IGFL4: variants seen among roughly 807,000 people sequenced by gnomAD.
IGFL4 encodes IGF like family member 4, also known as insulin growth factor-like family member 4.
IGFL4 carries 12 observed loss-of-function variants against 15.4 expected under a neutral mutation model. The observed-to-expected ratio is 0.78, with a 90% CI of 0.50 to 1.26. The LOEUF is 1.26. Ranked by LOEUF, IGFL4 falls within the 50% of genes most tolerant of loss-of-function variation. The pLI, the probability that IGFL4 is intolerant of heterozygous loss-of-function variation, is 0.00. For missense variants in IGFL4, 126 were observed against 147.8 expected, an observed-to-expected ratio of 0.85 and a Z score of 0.76; for synonymous variants, 54 against 55.9, an observed-to-expected ratio of 0.97 and a Z score of 0.16.
chr19:46,071,968 A>C (rs1969550770), intron 1 of IGFL4, among the ~76,000 whole-genome samples: 1 of 152,242 alleles, frequency 6.6e-6, no homozygotes, highest in African/African-American at 2.4e-5. Context: ...GGTTGCAGTG[A>C]GCTGAGATGA....
At chr19:46,045,098 C>CTA, upstream of IGFL4, among the ~76,000 whole-genome samples, 1 of 152,168 alleles carries the variant, frequency 6.6e-6, no homozygotes, top group Non-Finnish European at 1.5e-5. Flanking sequence ...CCAGCAAGGG[C>CTA]ACAGAACTGG....
chr19:46,058,416 C>T (rs1016790083), intron 2 of IGFL4: 1 of 152,342 alleles, frequency 6.6e-6, no homozygotes, highest in Non-Finnish European at 1.5e-5. Context: ...GCTGCTTTCA[C>T]TCCTGGTGTT....
intron 1 of IGFL4, among the ~76,000 whole-genome samples, chr19:46,073,801 C>T (rs932403790): frequency 6.6e-6 from 1 of 152,178 alleles, no homozygotes; most frequent in African/African-American, 2.4e-5. Flanking sequence ...ACAATCTCAA[C>T]TTCTTTTCTG....
intron 2 of IGFL4, among the ~76,000 whole-genome samples, chr19:46,054,783 G>A (rs1319785150): frequency 1.3e-5 from 2 of 152,144 alleles, no homozygotes; most frequent in Non-Finnish European, 2.9e-5. Context: ...TGAATGTGAG[G>A]AAAACAGTGA....
chr19:46,072,362 C>T (rs541187967), intron 1 of IGFL4, among the ~76,000 whole-genome samples: 16 of 152,210 alleles, frequency 1.1e-4, no homozygotes, highest in Admixed American at 4.6e-4. Flanking sequence ...TGAAGAAGTG[C>T]GAGCCCCCCA....
At position 46,040,607 on chromosome 19, in the gene IGFL4, A is replaced by C. The variant is rs373354446; in HGVS notation, c.20-39T>G. The C allele has an allele frequency of 1.2e-6, 2 of 1,609,784 alleles. No homozygotes were observed. The highest frequency in any genetic ancestry group is 1.7e-4 in the Middle Eastern group (1 of 6,036). On this transcript the variant is annotated intron_variant, in intron 1 of 3. Coordinates refer to ENST00000377697, the MANE Select transcript of IGFL4 (RefSeq NM_001002923.3). This position sits in a 1 kb window ranked among gnomAD's most constrained non-coding sequence, Gnocchi z 4.1. Reference sequence around the variant, plus strand: ...GGAGAGCGAGAATGATTCTGAGGTCACTAGGTCTTGACCACGGGGCACAGG... The same window carrying C: ...GGAGAGCGAGAATGATTCTGAGGTCCCTAGGTCTTGACCACGGGGCACAGG...
At chr19:46,046,026 T>C (rs1168726617) in intron 2 of IGFL4, among the ~76,000 whole-genome samples, 7 of 152,010 alleles carry the variant, frequency 4.6e-5, no homozygotes, top group African/African-American at 1.4e-4. Flanking sequence ...AAAGGCCAGG[T>C]AACCTACAAA....
upstream of IGFL4, among the ~76,000 whole-genome samples, chr19:46,045,118 G>A (rs989604344): frequency 4.6e-5 from 7 of 152,134 alleles, no homozygotes; most frequent in Admixed American, 3.3e-4. Flanking sequence ...GGCTGAGACC[G>A]AGATGGCTGA....
chr19:46,064,004 G>A (rs545029833), intron 1 of IGFL4, among the ~76,000 whole-genome samples: 4 of 151,584 alleles, frequency 2.6e-5, no homozygotes, highest in East Asian at 1.9e-4. Context: ...CCCGGGAGGC[G>A]GAAGTTGCAG....
At chr19:46,067,620 C>A (rs539572075) in intron 1 of IGFL4, among the ~76,000 whole-genome samples, 6 of 152,184 alleles carry the variant, frequency 3.9e-5, no homozygotes, top group Non-Finnish European at 7.3e-5. Flanking sequence ...TTGTCTGCAT[C>A]CTCATCCACG....
In IGFL4 at chr19:46,040,452, A is replaced by C. The variant is rs772512408; in HGVS notation, c.71-36T>G. The C allele has an allele frequency of 6.2e-7, 1 of 1,613,318 alleles. No homozygotes were observed. The highest frequency in any genetic ancestry group is 2.2e-5 in the East Asian group (1 of 44,854). Reference sequence around the variant, plus strand: ...CGGGGCTGGATGGGCTGCAAGGACCAGCCTAGGACCACCTCCCCACCAACC... The same window carrying C: ...CGGGGCTGGATGGGCTGCAAGGACCCGCCTAGGACCACCTCCCCACCAACC... On this transcript the variant is annotated intron_variant, in intron 2 of 3. Coordinates refer to ENST00000377697, the MANE Select transcript of IGFL4 (RefSeq NM_001002923.3). This position sits in a 1 kb window ranked among gnomAD's most constrained non-coding sequence, Gnocchi z 4.1.
upstream of IGFL4, chr19:46,041,219 C>T: frequency 2.3e-6 from 1 of 438,548 alleles, no homozygotes. Flanking sequence ...TAAAGGCTAC[C>T]CAGGAACCTA....
intron 2 of IGFL4, chr19:46,057,528 A>G (rs1969404127): frequency 6.6e-6 from 1 of 152,198 alleles, no homozygotes. Context: ...AAGAAAGTGA[A>G]GGAATAAAAG....
chr19:46,053,365 C>G (rs946219725), intron 2 of IGFL4, among the ~76,000 whole-genome samples: 1 of 152,192 alleles, frequency 6.6e-6, no homozygotes, highest in Non-Finnish European at 1.5e-5. Flanking sequence ...CAGGCACCCA[C>G]CACCACGCCT....
At chr19:46,058,554 G>T (rs1195685876) in intron 2 of IGFL4, 4 of 152,200 alleles carry the variant, frequency 2.6e-5, no homozygotes, top group Non-Finnish European at 5.9e-5. Flanking sequence ...CTCTGTGTGG[G>T]GTTTCAAGCC....
At chr19:46,059,721 T>G (rs1360029921) in intron 2 of IGFL4, 1 of 152,252 alleles carries the variant, frequency 6.6e-6, no homozygotes, top group Non-Finnish European at 1.5e-5. Flanking sequence ...CTTGGCCTAA[T>G]TATTTGTATA....
upstream of IGFL4, among the ~76,000 whole-genome samples, chr19:46,044,819 T>A (rs539567757): frequency 1.3e-5 from 2 of 152,076 alleles, no homozygotes; most frequent in Non-Finnish European, 2.9e-5. Flanking sequence ...CACCTTCAGG[T>A]ACGGGAAAAA....
At chr19:46,044,518 G>A (rs1042533214), upstream of IGFL4, among the ~76,000 whole-genome samples, 1 of 152,038 alleles carries the variant, frequency 6.6e-6, no homozygotes, top group Non-Finnish European at 1.5e-5. Context: ...GGGGTGTCGT[G>A]GGGGCAGTCA....
upstream of IGFL4, among the ~76,000 whole-genome samples, chr19:46,043,193 G>GC (rs905343640): frequency 2.6e-5 from 4 of 152,110 alleles, no homozygotes; most frequent in Non-Finnish European, 4.4e-5. Context: ...CATTTATAAT[G>GC]CCCCCCTACT....
Sources: gnomAD v4.1 joint callset for allele counts (sites outside exome capture counted in the v4.1 genomes callset) on GRCh38, gnomAD v4.1.1 for gene constraint, Gnocchi (gnomAD v3.1) non-coding constraint, MANE v1.5 for transcripts, NCBI Gene and HGNC (gene_info 2026-07-23, HGNC 2026-07-21) for gene names.